DLC1: variants seen among roughly 807,000 people sequenced by gnomAD.
DLC1 encodes the protein DLC1 Rho GTPase activating protein.
DLC1 carries 54 observed loss-of-function variants against 140.3 expected under a neutral mutation model. The observed-to-expected ratio is 0.38, with a 90% CI of 0.31 to 0.48. The LOEUF (loss-of-function observed/expected upper bound fraction) is 0.48, where lower values mean the gene tolerates loss of function less well. Ranked by LOEUF, DLC1 falls within the 20% of genes least tolerant of loss-of-function variation. The probability of loss-of-function intolerance (pLI) is 0.96; values close to 1 mark genes in which losing one functional copy is unlikely to be tolerated. For missense variants in DLC1, 2,536 were observed against 1,907.0 expected, an observed-to-expected ratio of 1.33 and a Z score of -6.14; for synonymous variants, 986 against 728.1, an observed-to-expected ratio of 1.35 and a Z score of -5.70.
chr8:13,500,212 A>G lies in DLC1; in HGVS notation c.-125-16T>C. The G allele has an allele frequency of 4.2e-6, 3 of 710,488 alleles. No individual in the cohort carries two copies. Among genetic ancestry groups the G allele is most frequent in the African/African-American group, 3.5e-5 (2 of 56,696 alleles). The allele number at this position is 710,488 out of a possible 1,614,324, so 44.0% of individuals were successfully genotyped here. On this transcript the variant is annotated splice_polypyrimidine_tract_variant and intron_variant, in intron 1 of 17. Transcript: ENST00000276297. ...ATTTCACCACCTATTAAAAAATTCA[A>G]AAAAATATGTAGTCGCAGATACGTT...
chr8:13,517,408 C>G (rs889790266), upstream of DLC1, among the ~76,000 whole-genome samples: 1 of 152,114 alleles, frequency 6.6e-6, no homozygotes, highest in Non-Finnish European at 1.5e-5. Flanking sequence ...TAAACATACC[C>G]TTTTCTACAC....
At chr8:13,355,771 T>A (rs899352623) in intron 4 of DLC1, among the ~76,000 whole-genome samples, 2 of 152,002 alleles carry the variant, frequency 1.3e-5, no homozygotes, top group Non-Finnish European at 2.9e-5. Context: ...AACACAAAGT[T>A]GTACTGATTC....
At chr8:13,266,011 G>C (rs1013320383) in intron 5 of DLC1, among the ~76,000 whole-genome samples, 8 of 152,166 alleles carry the variant, frequency 5.3e-5, no homozygotes, top group African/African-American at 1.9e-4. Context: ...CGGAGCCAAA[G>C]AGCTTTGCTG....
intron 5 of DLC1, among the ~76,000 whole-genome samples, chr8:13,236,728 T>C (rs887926709): frequency 2.6e-5 from 4 of 152,116 alleles, no homozygotes; most frequent in African/African-American, 9.7e-5. Context: ...TGATACGTAA[T>C]GATTCCAACT....
intron 5 of DLC1, among the ~76,000 whole-genome samples, chr8:13,127,696 TG>T (rs1015598072): frequency 6.6e-6 from 1 of 152,216 alleles, no homozygotes; most frequent in African/African-American, 2.4e-5. Flanking sequence ...CCTAAAGTGC[TG>T]CCAGCCTGGG....
chr8:13,413,516 A>C (rs116725349), intron 2 of DLC1, among the ~76,000 whole-genome samples: 3,145 of 149,398 alleles, frequency 0.021, 97 homozygotes, highest in African/African-American at 0.067. Flanking sequence ...ATATATATAC[A>C]CGTATATGCA....
intron 1 of DLC1, among the ~76,000 whole-genome samples, chr8:13,522,209 C>G (rs1802786123): frequency 6.6e-6 from 1 of 152,066 alleles, no homozygotes; most frequent in African/African-American, 2.4e-5. Flanking sequence ...AGAGATTTAA[C>G]CAGAAAAGAG....
Position 13,086,363 on chromosome 8 carries a change from A to G in DLC1, c.4393T>C (p.Leu1465=), listed in dbSNP as rs1036733656. Residue 1465 remains leucine, a synonymous_variant, in exon 17 of 18, where the codon TTG becomes CTG. Transcript: ENST00000276297. ...PVVGVRVNVL[L]SRYLIEPCGP... ...CAGGGTTCAATCAAATACCTGGACAAGAGCACATTAACCCTCACACCCACC... is the reference window on the plus strand; with the variant it reads ...CAGGGTTCAATCAAATACCTGGACAGGAGCACATTAACCCTCACACCCACC... 5.0e-6 allele frequency: 8 copies of G among 1,614,256 alleles called. No homozygotes were observed. The highest frequency in any genetic ancestry group is 4.5e-5 in the East Asian group (2 of 44,886).
At chr8:13,152,505 G>T (rs1823895887) in intron 5 of DLC1, among the ~76,000 whole-genome samples, 1 of 152,270 alleles carries the variant, frequency 6.6e-6, no homozygotes, top group Admixed American at 6.5e-5. Context: ...TAATTTCCAT[G>T]AAATATTGAG....
chr8:13,599,625 T>C (rs964022301), intron 1 of DLC1, among the ~76,000 whole-genome samples: 1 of 151,766 alleles, frequency 6.6e-6, no homozygotes, highest in African/African-American at 2.4e-5. Flanking sequence ...ATGAAGAAAA[T>C]TGTAAAACAA....
At chr8:13,484,993 A>G (rs1800902069) in intron 2 of DLC1, among the ~76,000 whole-genome samples, 1 of 152,162 alleles carries the variant, frequency 6.6e-6, no homozygotes. Context: ...AATGGTACCC[A>G]TTCCTTGAAA....
chr8:13,521,062 T>C (rs915766051), intron 1 of DLC1, among the ~76,000 whole-genome samples: 1 of 152,168 alleles, frequency 6.6e-6, no homozygotes, highest in African/African-American at 2.4e-5. Context: ...CATGGAATAC[T>C]TTGCAGCCAT....
At chr8:13,376,503 A>G (rs755720672) in intron 4 of DLC1, among the ~76,000 whole-genome samples, 2 of 152,136 alleles carry the variant, frequency 1.3e-5, no homozygotes, top group Admixed American at 6.5e-5. Context: ...TACCCTTTCA[A>G]TCAGGCAATT....
intron 1 of DLC1, among the ~76,000 whole-genome samples, chr8:13,586,512 A>G (rs1032960343): frequency 1.3e-5 from 2 of 151,970 alleles, no homozygotes; most frequent in African/African-American, 4.8e-5. Flanking sequence ...CTTTTGGTAG[A>G]TAGGTTAGTA....
At chr8:13,287,217 T>C (rs920964575) in intron 5 of DLC1, among the ~76,000 whole-genome samples, 4 of 152,148 alleles carry the variant, frequency 2.6e-5, no homozygotes, top group African/African-American at 9.7e-5. Flanking sequence ...CCTCTGAAAC[T>C]AATCAAAGTG....
At chr8:13,477,560 T>C (rs1420074510) in intron 2 of DLC1, among the ~76,000 whole-genome samples, 2 of 152,218 alleles carry the variant, frequency 1.3e-5, no homozygotes, top group Non-Finnish European at 2.9e-5. Context: ...CATAGGTTAG[T>C]GCTTTTACAA....
At chr8:13,399,710 C>G (rs763183800) in intron 3 of DLC1, among the ~76,000 whole-genome samples, 6 of 152,142 alleles carry the variant, frequency 3.9e-5, no homozygotes, top group African/African-American at 7.2e-5. Flanking sequence ...TCTATGCAGC[C>G]TCCTTAAACC....
At chr8:13,140,592 T>C (rs1413970987) in intron 5 of DLC1, among the ~76,000 whole-genome samples, 1 of 152,130 alleles carries the variant, frequency 6.6e-6, no homozygotes, top group Non-Finnish European at 1.5e-5. Flanking sequence ...AAGTATTATG[T>C]ATATTAGGGA....
At chr8:13,169,292 G>A (rs1420255104) in intron 5 of DLC1, among the ~76,000 whole-genome samples, 3 of 152,192 alleles carry the variant, frequency 2.0e-5, no homozygotes, top group African/African-American at 4.8e-5. Context: ...TTGCTTTGGA[G>A]TTTGGATATT....
Sources: gnomAD v4.1 joint callset for allele counts (sites outside exome capture counted in the v4.1 genomes callset) on GRCh38, gnomAD v4.1.1 for gene constraint, MANE v1.5 for transcripts, NCBI Gene and HGNC (gene_info 2026-07-23, HGNC 2026-07-21) for gene names.